Variants in NXPE2 observed in about 807,000 individuals in gnomAD.
NXPE2 encodes the protein neurexophilin and PC-esterase domain family member 2, also known as NXPE family member 2.
In NXPE2, 34 loss-of-function variants were observed where a neutral mutation model predicts 34.4. That is an observed-to-expected ratio of 0.99 (90% CI 0.75 to 1.31). The LOEUF is 1.31. Ranked by LOEUF, NXPE2 falls within the 40% of genes most tolerant of loss-of-function variation. The pLI is 0.00. For synonymous variants in NXPE2, 235 were observed against 231.3 expected (o/e 1.02, Z -0.15); for missense variants, 649 against 672.5 (o/e 0.97, Z 0.39).
the NXPE2 span, among the ~76,000 whole-genome samples, chr11:114,474,395 C>T: frequency 6.6e-6 from 1 of 152,130 alleles, no homozygotes; most frequent in South Asian, 2.1e-4. Flanking sequence ...GAACCTTTTC[C>T]CATAGGATCC....
chr11:114,517,207 G>A, the NXPE2 span, among the ~76,000 whole-genome samples: 2 of 152,176 alleles, frequency 1.3e-5, no homozygotes, highest in African/African-American at 4.8e-5. Context: ...TAATCAAAAA[G>A]GAGGGAACTT....
chr11:114,774,739 C>A, the NXPE2 span, among the ~76,000 whole-genome samples: 2 of 152,102 alleles, frequency 1.3e-5, no homozygotes, highest in Non-Finnish European at 2.9e-5. Flanking sequence ...CCATCTCTTG[C>A]TTTTTCCCTT....
the NXPE2 span, among the ~76,000 whole-genome samples, chr11:114,542,068 A>G: frequency 6.6e-6 from 1 of 152,168 alleles, no homozygotes; most frequent in Non-Finnish European, 1.5e-5. Flanking sequence ...CCACTTTTGT[A>G]TGTTGAGATT....
At chr11:114,528,396 TC>T in the NXPE2 span, among the ~76,000 whole-genome samples, 2 of 152,180 alleles carry the variant, frequency 1.3e-5, no homozygotes, top group Non-Finnish European at 2.9e-5. Context: ...ACCCAAGGAA[TC>T]CAGCCTTTTT....
chr11:114,470,729 G>A, the NXPE2 span, among the ~76,000 whole-genome samples: 26 of 152,088 alleles, frequency 1.7e-4, no homozygotes, highest in Admixed American at 1.6e-3. Context: ...GGGAAGAGAT[G>A]ATGCAGTCTC....
chr11:114,615,056 C>T, the NXPE2 span, among the ~76,000 whole-genome samples: 7 of 151,878 alleles, frequency 4.6e-5, no homozygotes, highest in African/African-American at 1.7e-4. Flanking sequence ...ATAAGTGTTG[C>T]CTCGTGGGTA....
At chr11:114,581,613 A>G in the NXPE2 span, 2 of 830,222 alleles carry the variant, frequency 2.4e-6, no homozygotes, top group South Asian at 3.2e-5. Context: ...TAGATAAGCC[A>G]GATGAACAGA....
chr11:114,649,833 T>C, the NXPE2 span, among the ~76,000 whole-genome samples: 2 of 152,206 alleles, frequency 1.3e-5, no homozygotes, highest in Admixed American at 6.5e-5. Flanking sequence ...TGTTCAAATA[T>C]GTACTTGAGG....
the NXPE2 span, among the ~76,000 whole-genome samples, chr11:114,746,699 C>T: frequency 1.3e-5 from 2 of 151,892 alleles, no homozygotes; most frequent in Non-Finnish European, 2.9e-5. Context: ...AAAATACAAA[C>T]AATTAGCTGG....
chr11:114,539,398 C>T, the NXPE2 span, among the ~76,000 whole-genome samples: 21 of 151,252 alleles, frequency 1.4e-4, no homozygotes, highest in East Asian at 1.4e-3. Flanking sequence ...CAAACCTGCA[C>T]GTTGTGCACA....
upstream of NXPE2, among the ~76,000 whole-genome samples, chr11:114,673,831 G>A (rs950820880): frequency 2.0e-5 from 3 of 151,770 alleles, no homozygotes; most frequent in Non-Finnish European, 4.4e-5. Context: ...TATCTCCCCA[G>A]ATAGCCTCCC....
chr11:114,724,140 G>A, the NXPE2 span, among the ~76,000 whole-genome samples: 2 of 152,170 alleles, frequency 1.3e-5, no homozygotes, highest in South Asian at 4.1e-4. Flanking sequence ...CCATTTGACA[G>A]ATGAGGAGAC....
the NXPE2 span, among the ~76,000 whole-genome samples, chr11:114,575,047 T>C: frequency 6.6e-6 from 1 of 152,066 alleles, no homozygotes; most frequent in South Asian, 2.1e-4. Context: ...CATACGTAAG[T>C]CAATAAATGT....
chr11:114,640,642 G>A, the NXPE2 span, among the ~76,000 whole-genome samples: 1 of 151,742 alleles, frequency 6.6e-6, no homozygotes, highest in Admixed American at 6.6e-5. Context: ...TTTTAATAAT[G>A]GCCATTCTGA....
At chr11:114,756,363 T>G in the NXPE2 span, among the ~76,000 whole-genome samples, 1 of 152,312 alleles carries the variant, frequency 6.6e-6, no homozygotes, top group African/African-American at 2.4e-5. Flanking sequence ...CACATTTTAT[T>G]AAGGTTGTTG....
At chr11:114,715,058 C>G in the NXPE2 span, among the ~76,000 whole-genome samples, 1 of 152,084 alleles carries the variant, frequency 6.6e-6, no homozygotes, top group Non-Finnish European at 1.5e-5. Flanking sequence ...CTCTGGTTGT[C>G]CCAGTTTGGA....
the NXPE2 span, among the ~76,000 whole-genome samples, chr11:114,781,679 TA>T: frequency 5.3e-5 from 8 of 152,108 alleles, no homozygotes; most frequent in African/African-American, 1.7e-4. Context: ...AATGCCAGTC[TA>T]GGGGGGCCAT....
chr11:114,632,749 A>C, the NXPE2 span, among the ~76,000 whole-genome samples: 32 of 63,922 alleles, frequency 5.0e-4, no homozygotes, highest in African/African-American at 1.8e-3. Flanking sequence ...AAAATATATT[A>C]TAATATATCA....
chr11:114,502,504 G>A, the NXPE2 span, among the ~76,000 whole-genome samples: 2 of 151,952 alleles, frequency 1.3e-5, no homozygotes, highest in African/African-American at 2.4e-5. Flanking sequence ...ATAAGATTAG[G>A]GACTTTCTAA....
Sources: allele counts gnomAD v4.1 joint callset (sites outside exome capture counted in the v4.1 genomes callset), GRCh38; gene constraint gnomAD v4.1.1; transcripts MANE v1.5; gene names NCBI Gene and HGNC (gene_info 2026-07-23, HGNC 2026-07-21).